TBC1D8B: variants seen among roughly 807,000 people sequenced by gnomAD.
TBC1D8B encodes RP11-321G1.1.
In TBC1D8B, 75 loss-of-function variants were observed where a neutral mutation model predicts 82.9. That is an observed-to-expected ratio of 0.90 (90% CI 0.75 to 1.10). TBC1D8B has a LOEUF of 1.10. Ranked by LOEUF, TBC1D8B falls within the 50% of genes least tolerant of loss-of-function variation. The pLI is 0.00. For missense variants in TBC1D8B, 794 were observed against 796.9 expected, an observed-to-expected ratio of 1.00 and a Z score of 0.04; for synonymous variants, 276 against 276.8, an observed-to-expected ratio of 1.00 and a Z score of 0.03.
intron 1 of TBC1D8B, among the ~76,000 whole-genome samples, chrX:106,809,215 G>A (rs112263918): frequency 0.044 from 4,890 of 111,647 alleles, 300 homozygotes; most frequent in African/African-American, 0.15. Context: ...ACTGTTTTAA[G>A]TGCTGGAGAT....
chrX:106,822,769 A>C (rs1361940950), intron 4 of TBC1D8B, among the ~76,000 whole-genome samples: 1 of 109,149 alleles, frequency 9.2e-6, no homozygotes, highest in Non-Finnish European at 1.9e-5. Flanking sequence ...AGGCCAAGGC[A>C]GGAGGATCAC....
intron 18 of TBC1D8B, among the ~76,000 whole-genome samples, 165 bp downstream of exon 18, chrX:106,868,641 A>G (rs1375245666): frequency 8.9e-6 from 1 of 112,095 alleles, no homozygotes; most frequent in African/African-American, 3.2e-5. Context: ...TGACCGGTTA[A>G]CCAAATTGCA....
chrX:106,824,761 G>C (rs974242840), intron 5 of TBC1D8B, among the ~76,000 whole-genome samples: 3 of 111,149 alleles, frequency 2.7e-5, no homozygotes, highest in Non-Finnish European at 5.7e-5. Flanking sequence ...ATTGAAAATC[G>C]TACATATCTA....
In TBC1D8B at chrX:106,873,965, A is replaced by G. The variant is rs777644214; in HGVS notation, c.3363A>G (p.Ter1121=). 8.5e-7 allele frequency: 1 copy of G among 1,170,559 alleles called. No homozygotes were observed. Among genetic ancestry groups the G allele is most frequent in the South Asian group, 2.0e-5 (1 of 49,122 alleles). ...ISQLRSRTKM[*] is the part of the protein sequence containing the mutation. ...AGTTAAGGTCTAGAACCAAGATGTA[A>G]ATCCCTAGGAATTGCCTATCATAGA... Residue 1121 remains the stop codon, a stop_retained_variant, in exon 21 of 21, where the codon TAA becomes TAG. Transcript: ENST00000357242.
At chrX:106,808,053 AAATAATAATAATAAC>A (rs202041367) in intron 1 of TBC1D8B, among the ~76,000 whole-genome samples, 312 of 110,559 alleles carry the variant, frequency 2.8e-3, no homozygotes, top group African/African-American at 9.8e-3. Flanking sequence ...ACTCCATCTC[AAATAATAATAATAAC>A]AATAATAATA....
Position 106,839,375 on chromosome X carries a change from G to C in TBC1D8B, c.1271G>C (p.Arg424Thr), listed in dbSNP as rs369649363. ...GAGGTGCAATCTTTGACAAGTCAGAGGGAATGCAGTAAAACTGTGAACACT... is the reference window on the plus strand; with the variant it reads ...GAGGTGCAATCTTTGACAAGTCAGACGGAATGCAGTAAAACTGTGAACACT... ...NFEVQSLTSQ[R>T]ECSKTVNTEA... Residue 424 changes from arginine to threonine, a missense_variant, in exon 8 of 21, where the codon AGG becomes ACG. Transcript: ENST00000357242. 8.4e-7 allele frequency: 1 copy of C among 1,188,629 alleles called. No individual in the cohort carries two copies. Among genetic ancestry groups the C allele is most frequent in the African/African-American group, 1.8e-5 (1 of 56,810 alleles).
chrX:106,840,815 T>C lies in TBC1D8B; in HGVS notation c.1650T>C (p.Thr550=), dbSNP rs373812369. The C allele has an allele frequency of 3.3e-6, 4 of 1,209,308 alleles. No individual in the cohort carries two copies. The African/African-American group carries it at 7.0e-5, about 21-fold the overall frequency. ...LPEHPAFQSD[T]GISALRRVLT... is the part of the protein sequence containing the mutation. ...AGCACCCAGCCTTTCAGAGTGATAC[T>C]GGCATATCTGCTCTGAGAAGGGTAC... is the stretch of plus-strand genomic sequence containing the variant. The change falls in exon 10 of 21, where the codon ACT becomes ACC. Residue 550 remains threonine (T), a synonymous_variant. Transcript: ENST00000357242.
intron 1 of TBC1D8B, among the ~76,000 whole-genome samples, chrX:106,812,750 C>T (rs1350321161): frequency 8.9e-6 from 1 of 111,948 alleles, no homozygotes; most frequent in Non-Finnish European, 1.9e-5. Flanking sequence ...TTGCAGGTGT[C>T]TAAATATTGG....
At position 106,827,668 on chromosome X, in the gene TBC1D8B, G is replaced by A. The variant is rs1039698509; in HGVS notation, c.1203+331G>A. ...AAAATATATTTGAGAATTCAGTGAG[G>A]CCTCGAAAAAGGACTCCTCTTACTG... On this transcript the variant is annotated intron_variant, in intron 7 of 20. Coordinates refer to ENST00000357242, the MANE Select transcript of TBC1D8B (RefSeq NM_017752.3). 5.7e-5 allele frequency: 9 copies of A among 157,665 alleles called. No homozygotes were observed. The South Asian group carries it at 1.7e-3, about 30-fold the overall frequency. The allele number at this position is 157,665 out of a possible 1,213,427, so 13.0% of individuals were successfully genotyped here. A position where few individuals can be genotyped will look rare whatever the true frequency, so the allele number is the denominator to read the frequency against.
intron 10 of TBC1D8B, among the ~76,000 whole-genome samples, chrX:106,841,283 C>G (rs750489167): frequency 9.0e-6 from 1 of 111,603 alleles, no homozygotes; most frequent in African/African-American, 3.2e-5. Flanking sequence ...CAAGGAGAAA[C>G]TATTTTTCAT....
At chrX:106,809,208 G>A (rs932614699) in intron 1 of TBC1D8B, among the ~76,000 whole-genome samples, 1 of 111,736 alleles carries the variant, frequency 8.9e-6, no homozygotes, top group Non-Finnish European at 1.9e-5. Context: ...AACAAGCACT[G>A]TTTTAAGTGC....
In TBC1D8B at chrX:106,802,844, A is replaced by C; in HGVS notation, c.-10A>C. On this transcript the variant is annotated 5_prime_UTR_variant, in exon 1 of 21. Coordinates refer to ENST00000357242, the MANE Select transcript of TBC1D8B (RefSeq NM_017752.3). ...CTAGGTCACTGCTCCCGGGGGGCACAAAGTTCGCGATGTGGCTGAAGCCTG... is the reference window on the plus strand; with the variant it reads ...CTAGGTCACTGCTCCCGGGGGGCACCAAGTTCGCGATGTGGCTGAAGCCTG... The C allele has an allele frequency of 8.3e-7, 1 of 1,210,772 alleles. No individual in the cohort carries two copies. The highest frequency in any genetic ancestry group is 1.1e-6 in the Non-Finnish European group (1 of 894,993).
chrX:106,840,989 G>A (rs767334216), intron 10 of TBC1D8B, 105 bp downstream of exon 10: 26 of 657,060 alleles, frequency 4.0e-5, no homozygotes, highest in Non-Finnish European at 6.1e-5. Context: ...AGAGATGGGG[G>A]TGAGATAGAT....
At chrX:106,869,113 G>C (rs1421312766) in intron 18 of TBC1D8B, among the ~76,000 whole-genome samples, 1 of 111,799 alleles carries the variant, frequency 8.9e-6, no homozygotes, top group East Asian at 2.8e-4. Context: ...TTCACAGTGA[G>C]TTGTTGCCAC....
At chrX:106,827,696 G>C (rs1931891249) in intron 7 of TBC1D8B, 2 of 136,237 alleles carry the variant, frequency 1.5e-5, no homozygotes, top group African/African-American at 6.4e-5. Flanking sequence ...TCTTACTGTT[G>C]CAAAGACATA....
intron 7 of TBC1D8B, among the ~76,000 whole-genome samples, chrX:106,830,661 T>C (rs1347680450): frequency 2.8e-5 from 3 of 109,015 alleles, no homozygotes; most frequent in Non-Finnish European, 5.7e-5. Context: ...TGGATGAAAT[T>C]GGAAACCATC....
Position 106,868,380 on chromosome X carries a change from T to C in TBC1D8B, c.2729-13T>C, listed in dbSNP as rs1932827104. On this transcript the variant is annotated splice_polypyrimidine_tract_variant and intron_variant, in intron 17 of 20. Transcript: ENST00000357242. ...GTTAATAAATGTAATTTGGGTTATT[T>C]ATATGTTTTCAGCTTACACTGAAGT... 3 of 985,290 alleles carry C rather than the reference T, an allele frequency of 3.0e-6. No individual in the cohort carries two copies. The highest frequency in any genetic ancestry group is 9.2e-5 in the South Asian group (2 of 21,691). 81.2% of individuals were successfully genotyped at this position (985,290 alleles called of 1,213,427 possible). A position where few individuals can be genotyped will look rare whatever the true frequency, so the allele number is the denominator to read the frequency against.
chrX:106,807,452 AC>A (rs924142206), intron 1 of TBC1D8B, among the ~76,000 whole-genome samples: 6 of 90,639 alleles, frequency 6.6e-5, no homozygotes, highest in African/African-American at 4.5e-5. Context: ...TGTTACCCTC[AC>A]CTTTTTTTTT....
chrX:106,826,312 T>G (rs1399477141), intron 6 of TBC1D8B, 75 bp downstream of exon 6: 5 of 841,137 alleles, frequency 5.9e-6, no homozygotes, highest in Non-Finnish European at 8.3e-6. Context: ...GTCCTTTAAT[T>G]CTATAAATTA....
Sources: allele counts gnomAD v4.1 joint callset (sites outside exome capture counted in the v4.1 genomes callset), GRCh38; gene constraint gnomAD v4.1.1; transcripts MANE v1.5; gene names NCBI Gene and HGNC (gene_info 2026-07-23, HGNC 2026-07-21).